The following LINGO2 variants were observed in gnomAD, a reference collection of about 807,000 sequenced individuals.
The protein encoded by LINGO2 is leucine-rich repeat and immunoglobulin-like domain-containing nogo receptor-interacting protein 2.
In LINGO2, 14 loss-of-function variants were observed where a neutral mutation model predicts 30.6. The ratio of observed to expected loss-of-function variants is 0.46; its 90% CI spans 0.30 to 0.72. LINGO2 has a LOEUF of 0.72. Among genes scored for constraint, LINGO2 ranks in the 30% least tolerant of loss-of-function variants. The pLI, the probability that LINGO2 is intolerant of heterozygous loss-of-function variation, is 0.07. For synonymous variants in LINGO2, 317 were observed against 288.5 expected (o/e 1.10, Z -1.00); for missense variants, 729 against 751.7 (o/e 0.97, Z 0.35).
chr9:28,414,628 T>C (rs1822899664), intron 2 of LINGO2, among the ~76,000 whole-genome samples: 1 of 152,172 alleles, frequency 6.6e-6, no homozygotes, highest in African/African-American at 2.4e-5. Context: ...CATGCTGGAC[T>C]GTTAAAATAT....
chr9:28,794,177 G>T, the LINGO2 span, among the ~76,000 whole-genome samples: 1 of 152,114 alleles, frequency 6.6e-6, no homozygotes, highest in Non-Finnish European at 1.5e-5. Flanking sequence ...GGCGGCGGGC[G>T]CCTGTAGTCC....
chr9:28,416,465 C>CTTAAAATTTAAT (rs1371416065), intron 2 of LINGO2, among the ~76,000 whole-genome samples: 2 of 151,952 alleles, frequency 1.3e-5, no homozygotes, highest in African/African-American at 4.8e-5. Context: ...CTCACTATCA[C>CTTAAAATTTAAT]TTAAAATAGA....
chr9:28,900,138 A>C, the LINGO2 span, among the ~76,000 whole-genome samples: 23,433 of 151,704 alleles, frequency 0.15, 1,862 homozygotes, highest in South Asian at 0.2. Context: ...GCCAGTACCC[A>C]CCATACCATG....
At chr9:28,103,457 G>A (rs1046208239) in intron 4 of LINGO2, among the ~76,000 whole-genome samples, 1 of 152,078 alleles carries the variant, frequency 6.6e-6, no homozygotes, top group African/African-American at 2.4e-5. Flanking sequence ...TCTATGTACT[G>A]TCTTGAAACT....
intron 2 of LINGO2, among the ~76,000 whole-genome samples, chr9:28,406,642 CTA>C (rs1214506587): frequency 2.6e-5 from 4 of 152,104 alleles, no homozygotes; most frequent in Non-Finnish European, 5.9e-5. Flanking sequence ...CAGATTCTGA[CTA>C]TGTATACTTC....
chr9:28,644,051 G>A (rs1374705668), intron 1 of LINGO2, among the ~76,000 whole-genome samples: 9 of 152,116 alleles, frequency 5.9e-5, no homozygotes, highest in African/African-American at 1.2e-4. Flanking sequence ...TGATGAGGAT[G>A]TGGAGAAAAG....
At chr9:28,264,291 C>A (rs1269954760) in intron 4 of LINGO2, among the ~76,000 whole-genome samples, 2 of 151,900 alleles carry the variant, frequency 1.3e-5, no homozygotes, top group African/African-American at 4.8e-5. Context: ...CCATAAATAA[C>A]GTAGGTTCCA....
At chr9:28,216,670 C>T (rs1236727832) in intron 4 of LINGO2, among the ~76,000 whole-genome samples, 1 of 151,814 alleles carries the variant, frequency 6.6e-6, no homozygotes, top group Non-Finnish European at 1.5e-5. Context: ...TTATGGAATA[C>T]AGTACATTAT....
At chr9:29,121,508 A>G in the LINGO2 span, among the ~76,000 whole-genome samples, 1 of 152,210 alleles carries the variant, frequency 6.6e-6, no homozygotes, top group African/African-American at 2.4e-5. Context: ...CAATTTTTCC[A>G]TTTTCAAATT....
At chr9:28,743,707 T>C in the LINGO2 span, among the ~76,000 whole-genome samples, 3 of 152,046 alleles carry the variant, frequency 2.0e-5, no homozygotes, top group East Asian at 5.8e-4. Flanking sequence ...AGTAGTTTTT[T>C]TGTTTTTTTG....
chr9:28,902,611 C>A, the LINGO2 span, among the ~76,000 whole-genome samples: 3 of 152,062 alleles, frequency 2.0e-5, no homozygotes, highest in Admixed American at 6.6e-5. Flanking sequence ...ACAGAACATT[C>A]TTCAGCATAG....
At chr9:28,729,511 C>T in the LINGO2 span, among the ~76,000 whole-genome samples, 38 of 151,870 alleles carry the variant, frequency 2.5e-4, 1 homozygote, top group African/African-American at 9.2e-4. Flanking sequence ...TAAATATTGG[C>T]AGAGATAAGA....
At chr9:29,208,936 T>G in the LINGO2 span, among the ~76,000 whole-genome samples, 1 of 152,104 alleles carries the variant, frequency 6.6e-6, no homozygotes, top group Non-Finnish European at 1.5e-5. Flanking sequence ...TTGAGGACAT[T>G]TAAGAATAGA....
chr9:28,482,671 T>C (rs1013835948), intron 1 of LINGO2, among the ~76,000 whole-genome samples: 8 of 152,114 alleles, frequency 5.3e-5, no homozygotes, highest in African/African-American at 1.9e-4. Context: ...GCCATTGCTT[T>C]TGGTGTTTTA....
intron 4 of LINGO2, among the ~76,000 whole-genome samples, chr9:28,236,930 G>T (rs1821587428): frequency 6.6e-6 from 1 of 151,956 alleles, no homozygotes; most frequent in Non-Finnish European, 1.5e-5. Context: ...TACTTTAGGG[G>T]TTGAATACCC....
the LINGO2 span, among the ~76,000 whole-genome samples, chr9:28,872,016 AT>A: frequency 6.6e-6 from 1 of 151,948 alleles, no homozygotes. Flanking sequence ...TGATGTGTTG[AT>A]TTCCTCTCAA....
Position 28,037,286 on chromosome 9 carries a change from C to T in LINGO2, c.-86-24881G>A, listed in dbSNP as rs182995642. Among the ~76,000 whole-genome samples the T allele has an allele frequency of 1.5e-3, 228 of 152,274 alleles. 1 individual carries two copies. Among genetic ancestry groups the T allele is most frequent in the Non-Finnish European group, 3.1e-4 (21 of 68,020 alleles). ...ACTTGGATCTATCATCTTACCAGGG[C>T]GCACTAAGTTGCTCTAGCACCATCT... On this transcript the variant is annotated intron_variant, in intron 4 of 5. Coordinates refer to ENST00000379992, the Ensembl canonical transcript of LINGO2.
intron 2 of LINGO2, among the ~76,000 whole-genome samples, chr9:28,405,960 A>AAAAT (rs1336091735): frequency 6.6e-6 from 1 of 152,200 alleles, no homozygotes; most frequent in Non-Finnish European, 1.5e-5. Context: ...GCAAGGTATT[A>AAAAT]AGGTACTTTA....
intron 4 of LINGO2, among the ~76,000 whole-genome samples, chr9:28,069,379 C>G (rs1047539147): frequency 1.3e-5 from 2 of 152,150 alleles, no homozygotes; most frequent in Non-Finnish European, 2.9e-5. Context: ...GAATGACACC[C>G]TGAAGGAGGC....
Sources: gnomAD v4.1 joint callset for allele counts (sites outside exome capture counted in the v4.1 genomes callset) on GRCh38, gnomAD v4.1.1 for gene constraint, MANE v1.5 for transcripts, NCBI Gene and HGNC (gene_info 2026-07-23, HGNC 2026-07-21) for gene names.